Variants in RAPH1 observed in about 807,000 individuals in gnomAD.
RAPH1 encodes the protein Ras association (RalGDS/AF-6) and pleckstrin homology domains 1.
Under a neutral mutation model 88.1 loss-of-function variants are expected in RAPH1, and 18 were observed. The ratio of observed to expected loss-of-function variants is 0.20; its 90% CI spans 0.14 to 0.30. The LOEUF (loss-of-function observed/expected upper bound fraction) is 0.30. RAPH1 is among the 10% of genes least tolerant of loss of function. The probability of loss-of-function intolerance (pLI) is 1.00; values close to 1 mark genes in which losing one functional copy is unlikely to be tolerated. For synonymous variants in RAPH1, 587 were observed against 559.0 expected (o/e 1.05, Z -0.71); for missense variants, 1,448 against 1,543.2 (o/e 0.94, Z 1.03).
intron 4 of RAPH1, 105 bp downstream of exon 4, chr2:203,489,479 A>G (rs965955515): frequency 1.1e-6 from 1 of 881,850 alleles, no homozygotes; most frequent in African/African-American, 1.7e-5. Flanking sequence ...ATCTTTGACA[A>G]ATTATAAATG....
intron 12 of RAPH1, 52 bp downstream of exon 12, chr2:203,447,907 C>A (rs908925490): frequency 6.3e-7 from 1 of 1,595,434 alleles, no homozygotes. Context: ...TCAGTCTCTA[C>A]AGAGACCTTC....
chr2:203,497,282 TAAGAA>T (rs1268467727), intron 1 of RAPH1, among the ~76,000 whole-genome samples: 1 of 152,220 alleles, frequency 6.6e-6, no homozygotes, highest in Non-Finnish European at 1.5e-5. Context: ...TCCAGAATAG[TAAGAA>T]AATTAATTTC....
At chr2:203,450,463 A>C (rs1351331444) in intron 10 of RAPH1, among the ~76,000 whole-genome samples, 5 of 152,348 alleles carry the variant, frequency 3.3e-5, no homozygotes, top group East Asian at 3.9e-4. Context: ...CATTATAATA[A>C]ACCATAATAG....
At position 203,535,258 on chromosome 2, in the gene RAPH1, G is replaced by GTGACTGACTGACTGACTGAC. The variant is rs373101454; in HGVS notation, c.-168_-149dup. 2 of 146,522 alleles carry GTGACTGACTGACTGACTGAC rather than the reference G, an allele frequency of 1.4e-5. No individual in the cohort carries two copies. The highest frequency in any genetic ancestry group is 6.8e-5 in the Admixed American group (1 of 14,760). The allele number at this position is 146,522 out of a possible 1,614,324, so 9.1% of individuals were successfully genotyped here. A position where few individuals can be genotyped will look rare whatever the true frequency, so the allele number is the denominator to read the frequency against. On this transcript the variant is annotated 5_prime_UTR_variant, in exon 1 of 14. Transcript: ENST00000319170. ...CAGCAGCTCCCGCGCCGCGCGCTCA[G>GTGACTGACTGACTGACTGAC]TGACTGACTGACTGACTGACTGACT... is the stretch of plus-strand genomic sequence containing the variant.
chr2:203,493,928 AC>A (rs1559485310), intron 2 of RAPH1, among the ~76,000 whole-genome samples: 1 of 140,362 alleles, frequency 7.1e-6, no homozygotes, highest in Admixed American at 8.0e-5. Context: ...CTGAGATCAC[AC>A]CACTGCACTC....
At chr2:203,517,405 T>TA (rs1313007926) in intron 1 of RAPH1, among the ~76,000 whole-genome samples, 1 of 102,964 alleles carries the variant, frequency 9.7e-6, no homozygotes, top group Non-Finnish European at 1.9e-5. Context: ...AAGAAATGAA[T>TA]CCACTATCAT....
chr2:203,446,627 T>C (rs2098509920), intron 12 of RAPH1: 1 of 152,220 alleles, frequency 6.6e-6, no homozygotes, highest in Admixed American at 6.5e-5. Flanking sequence ...CTCATGGATA[T>C]TTATGTCCAT....
intron 1 of RAPH1, among the ~76,000 whole-genome samples, chr2:203,506,797 T>C (rs142232258): frequency 8.6e-6 from 1 of 116,454 alleles, no homozygotes; most frequent in Non-Finnish European, 1.7e-5. Context: ...TATATATCTA[T>C]ATATATATCT....
chr2:203,517,446 A>C (rs2105950084), intron 1 of RAPH1, among the ~76,000 whole-genome samples: 1 of 152,174 alleles, frequency 6.6e-6, no homozygotes, highest in East Asian at 1.9e-4. Context: ...CTCTATCAGA[A>C]ATGGGCAGAT....
chr2:203,459,200 G>T (rs2098522396), intron 7 of RAPH1, among the ~76,000 whole-genome samples: 1 of 152,148 alleles, frequency 6.6e-6, no homozygotes, highest in African/African-American at 2.4e-5. Flanking sequence ...CCTACAAAAA[G>T]ATCTGTTGAT....
chr2:203,533,490 C>G (rs1690478420), intron 1 of RAPH1: 1 of 151,806 alleles, frequency 6.6e-6, no homozygotes, highest in African/African-American at 2.4e-5. Flanking sequence ...TTGCCCCTCC[C>G]CCAAAGGTCC....
chr2:203,436,856 TAAAG>T lies in RAPH1; in HGVS notation c.*2577_*2580del, dbSNP rs926511081. On this transcript the variant is annotated 3_prime_UTR_variant, in exon 14 of 14. Coordinates refer to ENST00000319170, the MANE Select transcript of RAPH1 (RefSeq NM_213589.3). ...GCTACATCCCAACAAAAATCCAAAT[TAAAG>T]AAAACCCACTAGGGAGTAAAACAGA... 3.3e-5 allele frequency: 5 copies of T among 152,126 alleles called. No homozygotes were observed. Among genetic ancestry groups the T allele is most frequent in the African/African-American group, 4.8e-5 (2 of 41,424 alleles). 9.4% of individuals were successfully genotyped at this position (152,126 alleles called of 1,614,324 possible).
chr2:203,477,300 T>C (rs1474466751), intron 4 of RAPH1: 2 of 636,680 alleles, frequency 3.1e-6, no homozygotes, highest in Admixed American at 2.6e-5. Context: ...TGCATGCAAT[T>C]ACCTTTCATT....
At chr2:203,480,309 G>C (rs1413611260) in intron 4 of RAPH1, among the ~76,000 whole-genome samples, 2 of 152,214 alleles carry the variant, frequency 1.3e-5, no homozygotes, top group African/African-American at 4.8e-5. Context: ...AGCACTTTGG[G>C]AGGCCCAGGC....
At chr2:203,532,444 T>C (rs1690430957) in intron 1 of RAPH1, among the ~76,000 whole-genome samples, 1 of 152,214 alleles carries the variant, frequency 6.6e-6, no homozygotes, top group Non-Finnish European at 1.5e-5. Context: ...AGTATATGTG[T>C]GTGTTGCTTT....
intron 10 of RAPH1, among the ~76,000 whole-genome samples, chr2:203,452,081 T>G (rs2098515399): frequency 6.6e-6 from 1 of 152,166 alleles, no homozygotes; most frequent in South Asian, 2.1e-4. Flanking sequence ...ATGCGGGAAG[T>G]AGAACAAGGA....
intron 1 of RAPH1, among the ~76,000 whole-genome samples, chr2:203,529,852 C>T (rs1690311578): frequency 6.6e-6 from 1 of 152,168 alleles, no homozygotes; most frequent in Non-Finnish European, 1.5e-5. Flanking sequence ...AAAGGGATGA[C>T]TTGTTCCTCC....
intron 1 of RAPH1, among the ~76,000 whole-genome samples, chr2:203,506,867 T>TATAC (rs1559494929): frequency 2.4e-5 from 1 of 40,836 alleles, no homozygotes; most frequent in Non-Finnish European, 5.8e-5. Flanking sequence ...TATATATATA[T>TATAC]ATATATATAT....
chr2:203,434,321 A>AAGTT lies in RAPH1; in HGVS notation c.*5112_*5115dup, dbSNP rs2098496522. 1 of 152,530 alleles carries AAGTT rather than the reference A, an allele frequency of 6.6e-6. No homozygotes were observed. Among genetic ancestry groups the AAGTT allele is most frequent in the Non-Finnish European group, 1.5e-5 (1 of 68,014 alleles). The allele number at this position is 152,530 out of a possible 1,614,324, so 9.4% of individuals were successfully genotyped here. On this transcript the variant is annotated 3_prime_UTR_variant, in exon 14 of 14. Coordinates refer to ENST00000319170, the MANE Select transcript of RAPH1 (RefSeq NM_213589.3). Reference sequence around the variant, plus strand: ...CTATGGCAAAGCTCCCACAGCCTACAAGTTGGTGTGAGCCTTGACTCTTGT... The same window carrying AAGTT: ...CTATGGCAAAGCTCCCACAGCCTACAAGTTAGTTGGTGTGAGCCTTGACTCTTGT...
Sources: allele counts gnomAD v4.1 joint callset (sites outside exome capture counted in the v4.1 genomes callset), GRCh38; gene constraint gnomAD v4.1.1; transcripts MANE v1.5; gene names NCBI Gene and HGNC (gene_info 2026-07-23, HGNC 2026-07-21).